The following ZFAND3 variants were observed in gnomAD, a reference collection of about 807,000 sequenced individuals.
ZFAND3 encodes the protein AN1-type zinc finger protein 3.
A neutral mutation model predicts 29.6 loss-of-function variants in ZFAND3; 10 were observed. That is an observed-to-expected ratio of 0.34 (90% CI 0.21 to 0.57). ZFAND3 has a LOEUF of 0.57. ZFAND3 is among the 20% of genes least tolerant of loss of function. ZFAND3 has a pLI of 0.86. For missense variants in ZFAND3, 230 were observed against 304.5 expected (o/e 0.76, Z 1.82); for synonymous variants, 128 against 112.6 (o/e 1.14, Z -0.87).
chr6:38,040,312 TAAC>T (rs1173368764), intron 2 of ZFAND3, among the ~76,000 whole-genome samples: 2 of 152,186 alleles, frequency 1.3e-5, no homozygotes, highest in African/African-American at 2.4e-5. Flanking sequence ...AGTACTATCT[TAAC>T]AATGCTTAAC....
intron 1 of ZFAND3, among the ~76,000 whole-genome samples, chr6:37,824,155 G>A (rs1338146949): frequency 1.3e-5 from 2 of 152,190 alleles, no homozygotes; most frequent in East Asian, 3.8e-4. Flanking sequence ...AGTGAAATAT[G>A]AACATTTTCT....
intron 1 of ZFAND3, among the ~76,000 whole-genome samples, chr6:37,894,127 T>G (rs893929261): frequency 6.6e-6 from 1 of 151,920 alleles, no homozygotes; most frequent in Admixed American, 6.6e-5. Flanking sequence ...TGGTGGCTGG[T>G]GCCTGTAGTT....
At chr6:38,125,197 A>G (rs1269755242) in intron 5 of ZFAND3, among the ~76,000 whole-genome samples, 1 of 152,212 alleles carries the variant, frequency 6.6e-6, no homozygotes, top group Admixed American at 6.5e-5. Context: ...CCTAAACATA[A>G]GTATGCTATC....
intron 2 of ZFAND3, among the ~76,000 whole-genome samples, chr6:37,981,419 G>A (rs1319800711): frequency 2.0e-5 from 3 of 152,074 alleles, no homozygotes; most frequent in African/African-American, 7.2e-5. Flanking sequence ...AAAAATAACT[G>A]TTTTCACCCA....
At chr6:37,901,609 C>A (rs1303763986) in intron 1 of ZFAND3, among the ~76,000 whole-genome samples, 5 of 152,026 alleles carry the variant, frequency 3.3e-5, no homozygotes, top group Non-Finnish European at 1.5e-5. Context: ...CAGAGTGAGA[C>A]CATGTTTCAA....
At chr6:37,847,686 G>A (rs568111671) in intron 1 of ZFAND3, among the ~76,000 whole-genome samples, 182 of 152,188 alleles carry the variant, frequency 1.2e-3, no homozygotes, top group Non-Finnish European at 1.6e-3. Flanking sequence ...TAGGAAAGAA[G>A]TTAATCTGTT....
At chr6:38,085,483 A>G (rs902464485) in intron 4 of ZFAND3, among the ~76,000 whole-genome samples, 6 of 152,234 alleles carry the variant, frequency 3.9e-5, no homozygotes, top group South Asian at 2.1e-4. Context: ...AGGGCACACA[A>G]TGTACTGTCT....
intron 2 of ZFAND3, among the ~76,000 whole-genome samples, chr6:37,933,137 T>C (rs1191784358): frequency 6.6e-6 from 1 of 152,246 alleles, no homozygotes; most frequent in Non-Finnish European, 1.5e-5. Flanking sequence ...CACTGTGATC[T>C]TAAAAGACTC....
intron 1 of ZFAND3, among the ~76,000 whole-genome samples, chr6:37,908,386 A>G (rs1765447944): frequency 2.6e-5 from 4 of 152,144 alleles, no homozygotes; most frequent in East Asian, 1.9e-4. Context: ...TAGTGTGAAC[A>G]TAATGTCAAG....
At chr6:37,998,544 G>A (rs1762891605) in intron 2 of ZFAND3, among the ~76,000 whole-genome samples, 1 of 151,916 alleles carries the variant, frequency 6.6e-6, no homozygotes, top group Non-Finnish European at 1.5e-5. Context: ...GGGGGCGGGA[G>A]GGGGAGAGAA....
intron 1 of ZFAND3, among the ~76,000 whole-genome samples, chr6:37,837,699 G>T (rs1456679953): frequency 1.3e-5 from 2 of 151,906 alleles, no homozygotes; most frequent in African/African-American, 2.4e-5. Flanking sequence ...TAGAGACAGG[G>T]TTTCTCCATG....
chr6:38,004,437 C>T (rs374821148), intron 2 of ZFAND3, among the ~76,000 whole-genome samples: 3 of 149,960 alleles, frequency 2.0e-5, no homozygotes, highest in African/African-American at 4.9e-5. Flanking sequence ...TTTCCCTCTC[C>T]CTTCCCCTCT....
intron 2 of ZFAND3, among the ~76,000 whole-genome samples, chr6:38,021,955 C>T (rs1763362034): frequency 6.6e-6 from 1 of 152,190 alleles, no homozygotes; most frequent in Admixed American, 6.5e-5. Flanking sequence ...GTTTATATAT[C>T]ATAGCAGACT....
chr6:37,985,312 G>C (rs1403603887), intron 2 of ZFAND3, among the ~76,000 whole-genome samples: 1 of 152,170 alleles, frequency 6.6e-6, no homozygotes, highest in Non-Finnish European at 1.5e-5. Context: ...ACATTTCTTT[G>C]TAATGAAATA....
At chr6:37,872,247 C>T (rs1472676312) in intron 1 of ZFAND3, among the ~76,000 whole-genome samples, 1 of 152,216 alleles carries the variant, frequency 6.6e-6, no homozygotes, top group African/African-American at 2.4e-5. Context: ...ATGCAATTCC[C>T]ATTTTCCGGT....
intron 2 of ZFAND3, among the ~76,000 whole-genome samples, chr6:37,991,426 C>T (rs1762756947): frequency 1.3e-5 from 2 of 152,000 alleles, no homozygotes; most frequent in Admixed American, 1.3e-4. Context: ...AATCTTGGCT[C>T]ACTGCAACTT....
intron 1 of ZFAND3, among the ~76,000 whole-genome samples, chr6:37,866,157 T>G (rs1287511053): frequency 2.6e-5 from 4 of 152,170 alleles, no homozygotes; most frequent in African/African-American, 9.7e-5. Context: ...CTGGAGATAG[T>G]AGGAGCTCTG....
intron 2 of ZFAND3, among the ~76,000 whole-genome samples, chr6:38,060,337 T>C (rs1005277936): frequency 1.3e-5 from 2 of 152,144 alleles, no homozygotes; most frequent in East Asian, 3.8e-4. Flanking sequence ...GACAGTACTC[T>C]AGCCATAGTA....
At chr6:38,032,599 T>C (rs1763582742) in intron 2 of ZFAND3, among the ~76,000 whole-genome samples, 1 of 152,220 alleles carries the variant, frequency 6.6e-6, no homozygotes, top group Non-Finnish European at 1.5e-5. Context: ...AGAGGTCTAA[T>C]TGTTTTCAAA....
Sources: gnomAD v4.1 joint callset for allele counts (sites outside exome capture counted in the v4.1 genomes callset) on GRCh38, gnomAD v4.1.1 for gene constraint, MANE v1.5 for transcripts, NCBI Gene and HGNC (gene_info 2026-07-23, HGNC 2026-07-21) for gene names.